E2F7: variants seen among roughly 807,000 people sequenced by gnomAD.
The protein encoded by E2F7 is transcription factor E2F7.
In E2F7, 35 loss-of-function variants were observed where a neutral mutation model predicts 81.1. That is an observed-to-expected ratio of 0.43 (90% CI 0.33 to 0.57). E2F7 has a LOEUF of 0.57. Ranked by LOEUF, E2F7 falls within the 20% of genes least tolerant of loss-of-function variation. The probability of loss-of-function intolerance (pLI) is 0.04; values close to 1 mark genes in which losing one functional copy is unlikely to be tolerated. For synonymous variants in E2F7, 416 were observed against 416.2 expected, an observed-to-expected ratio of 1.00 and a Z score of 0.01; for missense variants, 961 against 1,093.7, an observed-to-expected ratio of 0.88 and a Z score of 1.71.
intron 9 of E2F7, among the ~76,000 whole-genome samples, chr12:77,031,333 C>T (rs1390426847): frequency 2.0e-5 from 3 of 152,158 alleles, no homozygotes; most frequent in South Asian, 2.1e-4. Flanking sequence ...TAGAGAAGAA[C>T]GATCCTTTAA....
intron 7 of E2F7, among the ~76,000 whole-genome samples, chr12:77,041,920 G>A (rs992516147): frequency 6.6e-6 from 1 of 152,100 alleles, no homozygotes; most frequent in Non-Finnish European, 1.5e-5. Flanking sequence ...AATGTGTAGG[G>A]CAGGGACGAC....
In E2F7 at chr12:77,025,562, T is replaced by G; in HGVS notation, c.2561A>C (p.His854Pro). ...VGHPVSVVKL[H>P]QSPVPVTPKS... The stretch of plus-strand genomic sequence containing the variant: ...TCAGGAAACTTCAGGCCTCACCTGA[T>G]GTAATTTTACTACTGAGACTGGATG... Residue 854 changes from histidine (H) to proline (P), a missense_variant, in exon 12 of 13, where the codon CAT (histidine) becomes CCT (proline). Around this residue, in one of 3 missense-constraint regions of E2F7, gnomAD observed 587 missense variants for 620.3 expected, o/e 0.95. Transcript: ENST00000322886. The G allele has an allele frequency of 6.2e-7, 1 of 1,613,972 alleles. No individual in the cohort carries two copies. The highest frequency in any genetic ancestry group is 8.5e-7 in the Non-Finnish European group (1 of 1,179,876).
chr12:77,026,308 GT>G (rs1293400417), intron 11 of E2F7, among the ~76,000 whole-genome samples: 4 of 151,988 alleles, frequency 2.6e-5, no homozygotes, highest in Admixed American at 2.6e-4. Context: ...CTTATTTTTT[GT>G]TGTTTTGTTT....
At chr12:77,035,942 A>G (rs1954845668) in intron 7 of E2F7, among the ~76,000 whole-genome samples, 1 of 152,272 alleles carries the variant, frequency 6.6e-6, no homozygotes, top group African/African-American at 2.4e-5. Context: ...CAGTGTATAC[A>G]TTTAATGGCA....
At chr12:77,062,432 C>A (rs1219194706) in intron 2 of E2F7, among the ~76,000 whole-genome samples, 1 of 152,198 alleles carries the variant, frequency 6.6e-6, no homozygotes, top group Non-Finnish European at 1.5e-5. Flanking sequence ...CCTTCCTTTA[C>A]TTCATAGCAG....
rs529791584 is a variant in E2F7, at chr12:77,044,504, C to T, written c.988+133G>A. On this transcript the variant is annotated intron_variant, in intron 6 of 12. Coordinates refer to ENST00000322886, the MANE Select transcript of E2F7 (RefSeq NM_203394.3). ...ACTTACCTCTCACAGCACCAAAAAC[C>T]TTGATGAATGCAGGAAAGGAGTATG... 2.0e-5 allele frequency: 24 copies of T among 1,173,548 alleles called. No homozygotes were observed. The East Asian group carries it at 5.8e-4, about 28-fold the overall frequency. 72.7% of individuals were successfully genotyped at this position (1,173,548 alleles called of 1,614,324 possible). A position where few individuals can be genotyped will look rare whatever the true frequency, so the allele number is the denominator to read the frequency against.
chr12:77,048,636 T>C (rs541887587), intron 4 of E2F7, among the ~76,000 whole-genome samples: 2 of 152,264 alleles, frequency 1.3e-5, no homozygotes, highest in African/African-American at 4.8e-5. Context: ...CAGTCGTCAG[T>C]GAAACAGCTT....
At chr12:77,051,065 C>G (rs1300897174) in intron 3 of E2F7, among the ~76,000 whole-genome samples, 1 of 152,150 alleles carries the variant, frequency 6.6e-6, no homozygotes, top group African/African-American at 2.4e-5. Context: ...TCACCAAGAG[C>G]TTGTGAGATG....
intron 7 of E2F7, among the ~76,000 whole-genome samples, chr12:77,036,864 C>T (rs1954854184): frequency 6.6e-6 from 1 of 152,064 alleles, no homozygotes; most frequent in Non-Finnish European, 1.5e-5. Flanking sequence ...GCCTCAGCCT[C>T]CTGAGTAGCT....
intron 6 of E2F7, among the ~76,000 whole-genome samples, chr12:77,043,672 C>T (rs536425455): frequency 2.0e-5 from 3 of 152,148 alleles, no homozygotes; most frequent in Non-Finnish European, 4.4e-5. Flanking sequence ...ACAGGATGCT[C>T]AAGGTCAACA....
In E2F7 at chr12:77,034,041, A is replaced by G. The variant is rs1354088602; in HGVS notation, c.1125T>C (p.Asp375=). The G allele has an allele frequency of 6.2e-7, 1 of 1,611,450 alleles. No individual in the cohort carries two copies. The highest frequency in any genetic ancestry group is 1.7e-5 in the Admixed American group (1 of 59,496). Reference sequence around the variant, plus strand: ...ATGCAGAAACATCCACCAGTTCTTCATCTACATAAACGAGAGAATTGGTAG... The same window carrying G: ...ATGCAGAAACATCCACCAGTTCTTCGTCTACATAAACGAGAGAATTGGTAG... The part of the protein sequence containing the change: ...WIGPVDFSSS[D]EELVDVSASV... Residue 375 remains aspartate, a splice_region_variant and synonymous_variant, in exon 8 of 13, where the codon GAT becomes GAC. Transcript: ENST00000322886.
At chr12:77,049,742 T>C (rs1954970995) in intron 4 of E2F7, among the ~76,000 whole-genome samples, 1 of 152,172 alleles carries the variant, frequency 6.6e-6, no homozygotes, top group Admixed American at 6.5e-5. Flanking sequence ...CACATTTCTC[T>C]AGGATATGGA....
intron 2 of E2F7, among the ~76,000 whole-genome samples, chr12:77,062,200 T>G (rs1217996218): frequency 6.6e-6 from 1 of 152,168 alleles, no homozygotes; most frequent in Non-Finnish European, 1.5e-5. Flanking sequence ...GTGGGGAGTA[T>G]TATATATTGA....
At chr12:77,032,503 T>C (rs1349838026) in intron 9 of E2F7, among the ~76,000 whole-genome samples, 4 of 152,192 alleles carry the variant, frequency 2.6e-5, no homozygotes, top group African/African-American at 4.8e-5. Flanking sequence ...CTTTCAAAAT[T>C]GGGCCCCAAA....
Position 77,021,629 on chromosome 12 carries a change from C to T in E2F7, c.*2386G>A, listed in dbSNP as rs1290934291. 2 of 152,598 alleles carry T rather than the reference C, an allele frequency of 1.3e-5. No homozygotes were observed. Among genetic ancestry groups the T allele is most frequent in the Non-Finnish European group, 2.9e-5 (2 of 68,024 alleles). The allele number at this position is 152,598 out of a possible 1,614,324, so 9.5% of individuals were successfully genotyped here. On this transcript the variant is annotated 3_prime_UTR_variant, in exon 13 of 13. Transcript: ENST00000322886. ...TACCAGAATGAAAGGGTTTTACAAA[C>T]CCTGGTCAGTGTAGGGCACACACAG...
chr12:77,024,016 T>C lies in E2F7; in HGVS notation c.2735A>G (p.Ter912=). 6.2e-7 allele frequency: 1 copy of C among 1,613,054 alleles called. No homozygotes were observed. Among genetic ancestry groups the C allele is most frequent in the Non-Finnish European group, 8.5e-7 (1 of 1,179,842 alleles). Residue 912 remains the stop codon, a stop_retained_variant, in exon 13 of 13, where the codon TAA becomes TGA. Transcript: ENST00000322886. ...ACCCCCACCTGGCAAAGCGGCAGGT[T>C]AGTCAGCGCCGCCGCTGGGGATTTC... ...RLEIPSGGAD[*]
intron 2 of E2F7, among the ~76,000 whole-genome samples, chr12:77,063,921 T>C (rs181920801): frequency 5.5e-4 from 84 of 152,356 alleles, no homozygotes; most frequent in Non-Finnish European, 8.7e-4. Context: ...GTTTAGACAT[T>C]GTTATGGCCA....
chr12:77,031,901 C>T (rs986250542), intron 9 of E2F7, among the ~76,000 whole-genome samples: 1 of 152,102 alleles, frequency 6.6e-6, no homozygotes, highest in Admixed American at 6.5e-5. Context: ...ACTGAACATG[C>T]CCACCCTGGG....
At position 77,023,926 on chromosome 12, in the gene E2F7, G is replaced by A. The variant is rs79236710; in HGVS notation, c.*89C>T. 2.3e-3 allele frequency: 3,308 copies of A among 1,466,792 alleles called. 69 individuals are homozygous for A. In the African/African-American group the frequency reaches 0.042, roughly 19 times the overall value. 90.9% of individuals were successfully genotyped at this position (1,466,792 alleles called of 1,614,324 possible). On this transcript the variant is annotated 3_prime_UTR_variant, in exon 13 of 13. Coordinates refer to ENST00000322886, the MANE Select transcript of E2F7 (RefSeq NM_203394.3). ...TGGATGAAAGAGAGAGGAAGGACCC[G>A]TGCTCAGGACGGGATGGTTTGCATC...
Sources: allele counts gnomAD v4.1 joint callset (sites outside exome capture counted in the v4.1 genomes callset), GRCh38; gene constraint gnomAD v4.1.1; regional missense constraint gnomAD v4.1.1; transcripts MANE v1.5; gene names NCBI Gene and HGNC (gene_info 2026-07-23, HGNC 2026-07-21).